PDE11A: variants seen among roughly 807,000 people sequenced by gnomAD.
PDE11A encodes dual 3',5'-cyclic-AMP and -GMP phosphodiesterase 11A.
PDE11A carries 100 observed loss-of-function variants against 100.5 expected under a neutral mutation model. The observed-to-expected ratio is 1.00, with a 90% CI of 0.85 to 1.18. PDE11A has a LOEUF of 1.18. Among genes scored for constraint, PDE11A ranks in the 50% most tolerant of loss-of-function variants. The pLI, the probability that PDE11A is intolerant of heterozygous loss-of-function variation, is 0.00. For synonymous variants in PDE11A, 381 were observed against 420.8 expected (o/e 0.91, Z 1.16); for missense variants, 1,141 against 1,152.6 (o/e 0.99, Z 0.15).
intron 1 of PDE11A, among the ~76,000 whole-genome samples, chr2:178,035,673 T>G (rs2086604575): frequency 6.6e-6 from 1 of 152,284 alleles, no homozygotes; most frequent in Admixed American, 6.5e-5. Context: ...AAAAAGCTTA[T>G]CCAACACGAT....
intron 15 of PDE11A, among the ~76,000 whole-genome samples, chr2:177,681,607 A>ACACT (rs2080866062): frequency 6.6e-6 from 1 of 152,224 alleles, no homozygotes; most frequent in Admixed American, 6.5e-5. Context: ...TAAGTGCTTG[A>ACACT]CACTATAAAC....
chr2:177,829,615 T>TA (rs2083279433), intron 6 of PDE11A, among the ~76,000 whole-genome samples: 1 of 151,196 alleles, frequency 6.6e-6, no homozygotes, highest in African/African-American at 2.4e-5. Context: ...GGCTAATTTT[T>TA]TTTTTTTTTT....
chr2:177,870,711 C>T (rs1473609706), intron 5 of PDE11A, among the ~76,000 whole-genome samples: 2 of 152,164 alleles, frequency 1.3e-5, no homozygotes, highest in Non-Finnish European at 2.9e-5. Context: ...CTGTAACTTA[C>T]TGTGTTACCC....
intron 19 of PDE11A, among the ~76,000 whole-genome samples, chr2:177,656,937 T>C (rs77653807): frequency 0.071 from 10,855 of 152,122 alleles, 475 homozygotes; most frequent in East Asian, 0.18. Flanking sequence ...GGCCAAGGAA[T>C]AGATGTGAGC....
intron 5 of PDE11A, among the ~76,000 whole-genome samples, chr2:177,852,742 G>A (rs541978245): frequency 6.6e-6 from 1 of 152,292 alleles, no homozygotes; most frequent in South Asian, 2.1e-4. Flanking sequence ...GGGAGAGAGT[G>A]TAATTAACAA....
upstream of PDE11A, among the ~76,000 whole-genome samples, chr2:178,077,562 C>T (rs577151964): frequency 6.6e-6 from 1 of 152,290 alleles, no homozygotes. Context: ...GTATCACCTT[C>T]CACATAACAA....
intron 15 of PDE11A, among the ~76,000 whole-genome samples, chr2:177,684,757 A>G (rs187474729): frequency 1.3e-5 from 2 of 152,382 alleles, no homozygotes; most frequent in Admixed American, 6.5e-5. Flanking sequence ...AAATTAGGTT[A>G]TCAGTAAGGA....
chr2:178,097,954 C>T (rs933220059), intron 2 of PDE11A, among the ~76,000 whole-genome samples: 1 of 152,144 alleles, frequency 6.6e-6, no homozygotes, highest in African/African-American at 2.4e-5. Flanking sequence ...TGGAAGAATA[C>T]AACATGTCCC....
At position 178,014,283 on chromosome 2, in the gene PDE11A, A is replaced by G; in HGVS notation, c.1071+19T>C. The G allele has an allele frequency of 6.3e-7, 1 of 1,590,222 alleles. No homozygotes were observed. The highest frequency in any genetic ancestry group is 2.2e-5 in the East Asian group (1 of 44,706). ...GACCAAGAAGAAAAGTACAACTCAC[A>G]AAAGGCATGAAATCTTACTTTTTCA... On this transcript the variant is annotated intron_variant, in intron 2 of 19. Coordinates refer to ENST00000286063, the MANE Select transcript of PDE11A (RefSeq NM_016953.4).
intron 5 of PDE11A, among the ~76,000 whole-genome samples, chr2:177,850,487 T>C (rs2105646427): frequency 6.6e-6 from 1 of 152,332 alleles, no homozygotes; most frequent in Middle Eastern, 3.4e-3. Flanking sequence ...AAGGACTTCA[T>C]GTCTAAAACA....
chr2:177,842,320 A>G (rs961990841), intron 5 of PDE11A, among the ~76,000 whole-genome samples: 3 of 152,208 alleles, frequency 2.0e-5, no homozygotes, highest in African/African-American at 7.2e-5. Flanking sequence ...AGTGTCAACA[A>G]TCTTCAAGCT....
chr2:177,765,939 G>A (rs1264858278), intron 10 of PDE11A, among the ~76,000 whole-genome samples: 2 of 152,144 alleles, frequency 1.3e-5, no homozygotes, highest in African/African-American at 4.8e-5. Flanking sequence ...TCATATTTAC[G>A]TATGTAAAAT....
intron 10 of PDE11A, among the ~76,000 whole-genome samples, chr2:177,738,490 A>G (rs1223373452): frequency 2.6e-5 from 4 of 152,186 alleles, no homozygotes; most frequent in Non-Finnish European, 5.9e-5. Context: ...GAATTCCCCA[A>G]AGATGATGCT....
chr2:177,807,600 G>A (rs2082891468), intron 9 of PDE11A, among the ~76,000 whole-genome samples: 2 of 151,572 alleles, frequency 1.3e-5, no homozygotes, highest in African/African-American at 4.8e-5. Context: ...TTTGTATTTT[G>A]TATTTTATAG....
chr2:177,709,141 T>C (rs1026688582), intron 13 of PDE11A, among the ~76,000 whole-genome samples: 1 of 152,014 alleles, frequency 6.6e-6, no homozygotes, highest in Admixed American at 6.6e-5. Context: ...GCCAGGGAAA[T>C]GGGCAGGAGT....
At chr2:177,990,895 A>G (rs71423534) in intron 2 of PDE11A, among the ~76,000 whole-genome samples, 8,598 of 147,058 alleles carry the variant, frequency 0.058, 483 homozygotes, top group South Asian at 0.1. Context: ...TTGGGAGGCT[A>G]AGGCAGAAGA....
At chr2:177,644,452 A>G (rs535178530) in intron 19 of PDE11A, among the ~76,000 whole-genome samples, 1 of 152,206 alleles carries the variant, frequency 6.6e-6, no homozygotes, top group East Asian at 1.9e-4. Context: ...GTTTTGGCCA[A>G]TTTCTCCCAT....
At chr2:177,661,917 G>A (rs2105476099) in intron 19 of PDE11A, among the ~76,000 whole-genome samples, 1 of 152,324 alleles carries the variant, frequency 6.6e-6, no homozygotes, top group East Asian at 1.9e-4. Flanking sequence ...TCAGGGGTGA[G>A]CAGGACACAA....
intron 2 of PDE11A, among the ~76,000 whole-genome samples, chr2:177,954,085 T>G (rs7595479): frequency 6.6e-6 from 1 of 150,876 alleles, no homozygotes; most frequent in African/African-American, 2.4e-5. Context: ...TCTAGAATGC[T>G]CTTTCCTATT....
Sources: allele counts gnomAD v4.1 joint callset (sites outside exome capture counted in the v4.1 genomes callset), GRCh38; gene constraint gnomAD v4.1.1; transcripts MANE v1.5; gene names NCBI Gene and HGNC (gene_info 2026-07-23, HGNC 2026-07-21).